TPGS2: variants seen among roughly 807,000 people sequenced by gnomAD.
The protein encoded by TPGS2 is polyglutamylase subunit 2.
Under a neutral mutation model 31.1 loss-of-function variants are expected in TPGS2, and 26 were observed. The ratio of observed to expected loss-of-function variants is 0.84; its 90% CI spans 0.61 to 1.16. The LOEUF is 1.16. TPGS2 is among the 50% of genes most tolerant of loss of function. The probability of loss-of-function intolerance (pLI) is 0.00; values close to 1 mark genes in which losing one functional copy is unlikely to be tolerated. For synonymous variants in TPGS2, 130 were observed against 136.6 expected, an observed-to-expected ratio of 0.95 and a Z score of 0.34; for missense variants, 351 against 363.8, an observed-to-expected ratio of 0.96 and a Z score of 0.29.
At position 36,796,017 on chromosome 18, in the gene TPGS2, A is replaced by G. The variant is rs1287890365; in HGVS notation, c.*788T>C. 10 of 985,384 alleles carry G rather than the reference A, an allele frequency of 1.0e-5. No individual in the cohort carries two copies. The highest frequency in any genetic ancestry group is 1.2e-5 in the Non-Finnish European group (10 of 829,954). The allele number at this position is 985,384 out of a possible 1,614,324, so 61.0% of individuals were successfully genotyped here. A position where few individuals can be genotyped will look rare whatever the true frequency, so the allele number is the denominator to read the frequency against. ...AAGTTAATAAGGAAGATAATTGTGG[A>G]ACGTGTACAAACATCATAACACAAA... On this transcript the variant is annotated 3_prime_UTR_variant, in exon 7 of 7. Coordinates refer to ENST00000334295, the MANE Select transcript of TPGS2 (RefSeq NM_015476.4).
downstream of TPGS2, chr18:36,790,009 C>T (rs2044252984): frequency 6.6e-6 from 1 of 152,332 alleles, no homozygotes; most frequent in Admixed American, 6.5e-5. Context: ...TACACTATGT[C>T]TACATTGTGC....
At chr18:36,787,842 T>C (rs1257765930) in intron 6 of TPGS2, among the ~76,000 whole-genome samples, 1 of 152,164 alleles carries the variant, frequency 6.6e-6, no homozygotes, top group African/African-American at 2.4e-5. Context: ...GCCACCTCAA[T>C]AGAAGGAAGT....
chr18:36,823,972 AT>A (rs1390507310), intron 1 of TPGS2: 4 of 625,278 alleles, frequency 6.4e-6, no homozygotes, highest in Non-Finnish European at 8.0e-6. Flanking sequence ...TTATAAAGTG[AT>A]TTTTATATTC....
At chr18:36,798,344 G>T (rs1298760714) in intron 6 of TPGS2, 105 bp downstream of exon 6, 2 of 1,563,162 alleles carry the variant, frequency 1.3e-6, no homozygotes, top group East Asian at 2.3e-5. Flanking sequence ...CCCCACCCTA[G>T]ATCTCCTGAA....
chr18:36,797,301 A>G (rs1217051251), intron 6 of TPGS2, among the ~76,000 whole-genome samples: 12 of 152,076 alleles, frequency 7.9e-5, no homozygotes, highest in Non-Finnish European at 1.6e-4. Flanking sequence ...AAAACTAAGA[A>G]TCTGAGCACA....
intron 6 of TPGS2, among the ~76,000 whole-genome samples, chr18:36,786,078 A>T (rs1386198350): frequency 1.3e-5 from 2 of 152,198 alleles, no homozygotes; most frequent in African/African-American, 4.8e-5. Flanking sequence ...CCTATACATC[A>T]AAAGGTGAAG....
At chr18:36,799,398 A>G (rs1209295717) in intron 5 of TPGS2, among the ~76,000 whole-genome samples, 1 of 152,106 alleles carries the variant, frequency 6.6e-6, no homozygotes, top group Non-Finnish European at 1.5e-5. Context: ...CCCCTACATG[A>G]ACCATGTGGC....
intron 2 of TPGS2, among the ~76,000 whole-genome samples, chr18:36,810,548 T>C (rs1038539172): frequency 4.0e-5 from 6 of 151,778 alleles, no homozygotes; most frequent in African/African-American, 1.5e-4. Context: ...AGAAAGTGAA[T>C]GGAGGAGGGT....
chr18:36,825,998 C>A (rs1027084768), intron 1 of TPGS2, among the ~76,000 whole-genome samples: 1 of 152,078 alleles, frequency 6.6e-6, no homozygotes, highest in Non-Finnish European at 1.5e-5. Context: ...ATTTTCAGTA[C>A]ATAAGTCATG....
chr18:36,787,056 A>T, intron 6 of TPGS2: 1 of 1,233,382 alleles, frequency 8.1e-7, no homozygotes, highest in Non-Finnish European at 1.0e-6. Flanking sequence ...ATTTTCTTCT[A>T]TTCATTTTGA....
At chr18:36,783,014 C>A in exon 7 of TPGS2, 1 of 398,314 alleles carries the variant, frequency 2.5e-6, no homozygotes, top group Non-Finnish European at 4.4e-6. Context: ...AAGGAGCAGT[C>A]GGGGTGTGCC....
chr18:36,809,113 T>A (rs1328384068), intron 2 of TPGS2, among the ~76,000 whole-genome samples: 1 of 152,186 alleles, frequency 6.6e-6, no homozygotes, highest in Non-Finnish European at 1.5e-5. Context: ...TGGGAAAGCA[T>A]CATGTAGAAG....
Position 36,795,242 on chromosome 18 carries a change from CTCT to C in TPGS2, c.*1560_*1562del. 1.0e-6 allele frequency: 1 copy of C among 985,432 alleles called. No homozygotes were observed. The highest frequency in any genetic ancestry group is 6.1e-5 in the Admixed American group (1 of 16,280). The allele number at this position is 985,432 out of a possible 1,614,324, so 61.0% of individuals were successfully genotyped here. A position where few individuals can be genotyped will look rare whatever the true frequency, so the allele number is the denominator to read the frequency against. On this transcript the variant is annotated 3_prime_UTR_variant, in exon 7 of 7. Transcript: ENST00000334295. ...TGCATGTGGAGAATCCTGTGGACTG[CTCT>C]TAGTTCCCCAGTGGGTTTGGAAGAG... is the stretch of plus-strand genomic sequence containing the variant.
At chr18:36,828,499 A>G (rs2046304632) in intron 1 of TPGS2, among the ~76,000 whole-genome samples, 184 bp downstream of exon 1, 1 of 152,114 alleles carries the variant, frequency 6.6e-6, no homozygotes, top group Non-Finnish European at 1.5e-5. Flanking sequence ...CACTCCTGGC[A>G]AACACTTTCA....
chr18:36,810,694 T>C (rs967222632), intron 2 of TPGS2, among the ~76,000 whole-genome samples: 2 of 152,130 alleles, frequency 1.3e-5, no homozygotes, highest in African/African-American at 4.8e-5. Context: ...TGTCACATAG[T>C]TCCTAATTTT....
intron 1 of TPGS2, among the ~76,000 whole-genome samples, chr18:36,824,424 C>G (rs2046041641): frequency 6.6e-6 from 1 of 152,206 alleles, no homozygotes; most frequent in African/African-American, 2.4e-5. Context: ...CATACAGTAA[C>G]TCCAATCTTT....
At chr18:36,804,073 T>C (rs2150589802) in intron 4 of TPGS2, among the ~76,000 whole-genome samples, 1 of 152,280 alleles carries the variant, frequency 6.6e-6, no homozygotes, top group Middle Eastern at 3.4e-3. Context: ...AGTGATCCTC[T>C]TGCCTCAGCC....
intron 1 of TPGS2, among the ~76,000 whole-genome samples, chr18:36,821,572 G>A (rs138066091): frequency 6.6e-6 from 1 of 152,318 alleles, no homozygotes; most frequent in African/African-American, 2.4e-5. Flanking sequence ...TAGAGATTAG[G>A]AATTTAAGTA....
chr18:36,800,188 C>T lies in TPGS2; in HGVS notation c.496+10G>A, dbSNP rs2044735164. The T allele has an allele frequency of 2.5e-6, 4 of 1,613,228 alleles. No homozygotes were observed. The East Asian group carries it at 6.7e-5, about 27-fold the overall frequency. ...CAAACTACGGGACCACGCTTGTAAA[C>T]AATTCTTACCTGGTTTCCCACTTTT... On this transcript the variant is annotated intron_variant, in intron 5 of 6. Coordinates refer to ENST00000334295, the MANE Select transcript of TPGS2 (RefSeq NM_015476.4).
Sources: gnomAD v4.1 joint callset for allele counts (sites outside exome capture counted in the v4.1 genomes callset) on GRCh38, gnomAD v4.1.1 for gene constraint, MANE v1.5 for transcripts, NCBI Gene and HGNC (gene_info 2026-07-23, HGNC 2026-07-21) for gene names.